The following WDPCP variants were observed in gnomAD, a reference collection of about 807,000 sequenced individuals.
WDPCP encodes WD repeat-containing and planar cell polarity effector protein fritz homolog.
WDPCP carries 71 observed loss-of-function variants against 93.1 expected under a neutral mutation model. The observed-to-expected ratio is 0.76, with a 90% CI of 0.63 to 0.93. The LOEUF (loss-of-function observed/expected upper bound fraction) is 0.93. Ranked by LOEUF, WDPCP falls within the 40% of genes least tolerant of loss-of-function variation. The probability of loss-of-function intolerance (pLI) is 0.00; values close to 1 mark genes in which losing one functional copy is unlikely to be tolerated. For synonymous variants in WDPCP, 315 were observed against 315.0 expected, an observed-to-expected ratio of 1.00 and a Z score of 0.00; for missense variants, 844 against 887.4, an observed-to-expected ratio of 0.95 and a Z score of 0.62.
chr2:63,167,156 A>G (rs915010840), intron 15 of WDPCP, among the ~76,000 whole-genome samples: 13 of 152,166 alleles, frequency 8.5e-5, no homozygotes, highest in South Asian at 2.1e-4. Context: ...TGTATTGTCT[A>G]TGACTGTTTT....
chr2:63,245,536 A>G (rs1395158189), intron 14 of WDPCP, among the ~76,000 whole-genome samples: 1 of 152,176 alleles, frequency 6.6e-6, no homozygotes, highest in African/African-American at 2.4e-5. Flanking sequence ...TTATGCTAAA[A>G]GTGATTAAGT....
At chr2:63,426,841 C>T (rs2105401294) in intron 9 of WDPCP, among the ~76,000 whole-genome samples, 1 of 152,130 alleles carries the variant, frequency 6.6e-6, no homozygotes, top group South Asian at 2.1e-4. Context: ...ACAACACCCA[C>T]AAGCTCAAAT....
chr2:63,394,187 A>G (rs967405224), intron 10 of WDPCP, among the ~76,000 whole-genome samples: 1 of 152,230 alleles, frequency 6.6e-6, no homozygotes, highest in Non-Finnish European at 1.5e-5. Flanking sequence ...ACTTAAACAA[A>G]TGAACAACCA....
At chr2:63,811,074 G>T (rs1049315036) in intron 2 of WDPCP, among the ~76,000 whole-genome samples, 3 of 152,142 alleles carry the variant, frequency 2.0e-5, no homozygotes, top group African/African-American at 7.2e-5. Context: ...TGGTTTGTTT[G>T]TTGGCAGAAA....
At chr2:63,280,587 G>C (rs1683461331) in intron 13 of WDPCP, among the ~76,000 whole-genome samples, 1 of 152,126 alleles carries the variant, frequency 6.6e-6, no homozygotes, top group Admixed American at 6.5e-5. Context: ...CATACCCTAA[G>C]ACTACAGTCA....
intron 15 of WDPCP, among the ~76,000 whole-genome samples, chr2:63,171,875 C>T (rs878912482): frequency 9.9e-5 from 15 of 152,166 alleles, no homozygotes; most frequent in Admixed American, 3.9e-4. Flanking sequence ...GAATAAACTA[C>T]ACATTACATG....
chr2:63,745,727 A>G (rs1267701961), intron 2 of WDPCP, among the ~76,000 whole-genome samples: 2 of 152,016 alleles, frequency 1.3e-5, no homozygotes, highest in African/African-American at 4.8e-5. Context: ...TATAGGGGCT[A>G]TTATCAACTA....
chr2:63,169,249 G>T (rs1673208483), intron 15 of WDPCP, among the ~76,000 whole-genome samples: 1 of 152,112 alleles, frequency 6.6e-6, no homozygotes, highest in African/African-American at 2.4e-5. Context: ...CCTCAAGAAG[G>T]GTTCATGGGT....
intron 9 of WDPCP, among the ~76,000 whole-genome samples, chr2:63,415,690 G>A (rs563638838): frequency 1.2e-3 from 179 of 152,306 alleles, no homozygotes; most frequent in African/African-American, 4.2e-3. Context: ...AAGTTTACAT[G>A]ACTGTATCAG....
intron 13 of WDPCP, among the ~76,000 whole-genome samples, chr2:63,295,841 T>C (rs893234439): frequency 4.2e-5 from 5 of 117,836 alleles, no homozygotes; most frequent in African/African-American, 6.6e-5. Context: ...TTATCAGATA[T>C]ACAAAGGAGA....
rs1277291019 is a variant in WDPCP, at chr2:63,153,676, T to C, written c.2079-102A>G. 5 of 691,382 alleles carry C rather than the reference T, an allele frequency of 7.2e-6. No homozygotes were observed. In the East Asian group the frequency reaches 1.5e-4, roughly 21 times the overall value. 42.8% of individuals were successfully genotyped at this position (691,382 alleles called of 1,614,324 possible). A position where few individuals can be genotyped will look rare whatever the true frequency, so the allele number is the denominator to read the frequency against. On this transcript the variant is annotated intron_variant, in intron 15 of 17. Transcript: ENST00000272321. Reference sequence around the variant, plus strand: ...TTAAAGTATTAAAATATTTTAAAGTTTCTGGGTTAAAAAATGTAATTAAAA... The same window carrying C: ...TTAAAGTATTAAAATATTTTAAAGTCTCTGGGTTAAAAAATGTAATTAAAA...
chr2:63,388,280 C>G (rs576494015), intron 10 of WDPCP, among the ~76,000 whole-genome samples: 2 of 152,216 alleles, frequency 1.3e-5, no homozygotes, highest in Non-Finnish European at 2.9e-5. Flanking sequence ...GGACCTCCAG[C>G]AAACTCCAAC....
At chr2:63,277,208 C>T (rs1449823279) in intron 13 of WDPCP, among the ~76,000 whole-genome samples, 1 of 81,310 alleles carries the variant, frequency 1.2e-5, no homozygotes, top group African/African-American at 6.8e-5. Context: ...TGCCAGCATG[C>T]CAAGAACTGC....
At chr2:63,724,886 C>T (rs1025132810) in intron 2 of WDPCP, among the ~76,000 whole-genome samples, 5 of 152,208 alleles carry the variant, frequency 3.3e-5, no homozygotes, top group Admixed American at 6.5e-5. Flanking sequence ...TCTGTTTGTA[C>T]AGAGGGGCAA....
chr2:63,119,769 C>T lies in WDPCP; in HGVS notation c.*2237G>A, dbSNP rs1051585658. Among the ~76,000 whole-genome samples, 3 of 152,180 alleles carry T rather than the reference C, an allele frequency of 2.0e-5. No homozygotes were observed. The highest frequency in any genetic ancestry group is 2.9e-5 in the Non-Finnish European group (2 of 68,026). On this transcript the variant is annotated 3_prime_UTR_variant, in exon 18 of 18. Coordinates refer to ENST00000272321, the MANE Select transcript of WDPCP (RefSeq NM_015910.7). The stretch of plus-strand genomic sequence containing the variant: ...CTATACCACTCTTCTTACTTTAGAG[C>T]TATGGTAGCCCCTTCATAATCCTTT...
At chr2:63,329,012 T>C (rs932454507) in intron 12 of WDPCP, among the ~76,000 whole-genome samples, 5 of 152,206 alleles carry the variant, frequency 3.3e-5, no homozygotes, top group African/African-American at 1.2e-4. Flanking sequence ...TGAGCCACCA[T>C]GCCTGGCCCT....
chr2:63,656,721 C>T (rs1207483777), intron 2 of WDPCP, among the ~76,000 whole-genome samples: 2 of 152,222 alleles, frequency 1.3e-5, no homozygotes, highest in African/African-American at 4.8e-5. Context: ...ATAAATGAAA[C>T]AAGACTGTGA....
intron 6 of WDPCP, among the ~76,000 whole-genome samples, chr2:63,463,298 A>G (rs1699140892): frequency 6.6e-6 from 1 of 152,152 alleles, no homozygotes; most frequent in South Asian, 2.1e-4. Context: ...GCTGTGTAAT[A>G]ATCAGGAAAA....
At chr2:63,699,271 A>T (rs967727855) in intron 2 of WDPCP, among the ~76,000 whole-genome samples, 1 of 152,216 alleles carries the variant, frequency 6.6e-6, no homozygotes, top group African/African-American at 2.4e-5. Context: ...ATTCTCACTG[A>T]GTTCTGTAAT....
Sources: gnomAD v4.1 joint callset for allele counts (sites outside exome capture counted in the v4.1 genomes callset) on GRCh38, gnomAD v4.1.1 for gene constraint, MANE v1.5 for transcripts, NCBI Gene and HGNC (gene_info 2026-07-23, HGNC 2026-07-21) for gene names.